The following NXPE1 variants were observed in gnomAD, a reference collection of about 807,000 sequenced individuals.
NXPE1 encodes NXPE family member 1.
In NXPE1, 31 loss-of-function variants were observed where a neutral mutation model predicts 33.3. The ratio of observed to expected loss-of-function variants is 0.93; its 90% confidence interval spans 0.70 to 1.26. NXPE1 has a LOEUF of 1.26. NXPE1 is among the 50% of genes most tolerant of loss of function. The pLI is 0.00. For missense variants in NXPE1, 661 were observed against 655.6 expected, an observed-to-expected ratio of 1.01 and a Z score of -0.09; for synonymous variants, 229 against 231.4, an observed-to-expected ratio of 0.99 and a Z score of 0.09.
chr11:114,544,381 A>G (rs922255957), intron 5 of NXPE1, among the ~76,000 whole-genome samples: 1 of 152,236 alleles, frequency 6.6e-6, no homozygotes, highest in African/African-American at 2.4e-5. Flanking sequence ...AAGAATGAAC[A>G]GATTAATCAA....
Position 114,557,146 on chromosome 11 carries a change from A to G in NXPE1, c.-211+2652T>C, listed in dbSNP as rs1948670302. Among the ~76,000 whole-genome samples the G allele has an allele frequency of 3.3e-5, 5 of 152,198 alleles. No individual in the cohort carries two copies. The East Asian group carries it at 9.7e-4, about 29-fold the overall frequency. ...TGACCTCAAGTAATCTGCGTGCCTC[A>G]GCCTCCCAAAGTTCTGGGATTACAG... On this transcript the variant is annotated intron_variant, in intron 1 of 8. Transcript: ENST00000534921.
At chr11:114,522,014 T>C (rs1383719799) in exon 9 of NXPE1, 2 of 1,613,628 alleles carry the variant, frequency 1.2e-6, no homozygotes, top group East Asian at 4.5e-5. Context: ...TCCAATCACA[T>C]GATCAGGTGG....
intron 5 of NXPE1, among the ~76,000 whole-genome samples, chr11:114,536,625 A>G (rs536784217): frequency 6.6e-6 from 1 of 152,338 alleles, no homozygotes; most frequent in South Asian, 2.1e-4. Context: ...ACAGAAATAC[A>G]AACTACCATC....
At chr11:114,544,145 G>A (rs1948196048) in intron 5 of NXPE1, among the ~76,000 whole-genome samples, 1 of 152,118 alleles carries the variant, frequency 6.6e-6, no homozygotes, top group Non-Finnish European at 1.5e-5. Context: ...ATATTGTTAG[G>A]ATGTCAGTTC....
chr11:114,537,150 C>G (rs1947862132), intron 5 of NXPE1, among the ~76,000 whole-genome samples: 1 of 151,968 alleles, frequency 6.6e-6, no homozygotes, highest in South Asian at 2.1e-4. Flanking sequence ...AAATGTAATC[C>G]AGCATATAAA....
At chr11:114,550,043 C>G (rs965350011) in intron 5 of NXPE1, among the ~76,000 whole-genome samples, 2 of 151,936 alleles carry the variant, frequency 1.3e-5, no homozygotes, top group Non-Finnish European at 2.9e-5. Flanking sequence ...GGAAAACTCA[C>G]AAAACACTAC....
chr11:114,529,098 G>A (rs1947475840), intron 6 of NXPE1: 1 of 327,778 alleles, frequency 3.1e-6, no homozygotes, highest in Non-Finnish European at 5.5e-6. Context: ...GAAAGCTTAT[G>A]GAAAAAAGAC....
intron 1 of NXPE1, among the ~76,000 whole-genome samples, chr11:114,557,634 CATATATATATATATATATAT>C (rs4019608): frequency 0.01 from 1,311 of 128,426 alleles, 19 homozygotes; most frequent in African/African-American, 0.027. Context: ...ATATATAATA[CATATATATATATATATATAT>C]ATATATATAT....
chr11:114,527,798 T>G (rs754359712), intron 7 of NXPE1, 42 bp downstream of exon 7: 91 of 1,433,916 alleles, frequency 6.3e-5, no homozygotes, highest in Admixed American at 3.5e-4. Flanking sequence ...CTGATAAAAG[T>G]TTCCTCTGAG....
At chr11:114,537,747 G>A (rs1469482631) in intron 5 of NXPE1, among the ~76,000 whole-genome samples, 3 of 151,860 alleles carry the variant, frequency 2.0e-5, no homozygotes, top group Non-Finnish European at 2.9e-5. Flanking sequence ...CCTCTTCAAG[G>A]AGAACTACAA....
chr11:114,556,991 C>G (rs928413904), intron 1 of NXPE1, among the ~76,000 whole-genome samples: 5 of 151,500 alleles, frequency 3.3e-5, no homozygotes, highest in African/African-American at 1.2e-4. Flanking sequence ...CTCCTGGGTT[C>G]AAGCAATTAT....
chr11:114,554,931 G>A (rs574567035), intron 1 of NXPE1, among the ~76,000 whole-genome samples: 30 of 152,154 alleles, frequency 2.0e-4, no homozygotes, highest in Admixed American at 5.9e-4. Flanking sequence ...AGCAGAGCTT[G>A]ATGTTTACCT....
chr11:114,558,276 C>A (rs1948705389), intron 1 of NXPE1, among the ~76,000 whole-genome samples: 1 of 152,006 alleles, frequency 6.6e-6, no homozygotes, highest in Non-Finnish European at 1.5e-5. Context: ...ATTTTCCAAA[C>A]AAATATCTGT....
chr11:114,527,845 C>T (rs773215540), exon 7 of NXPE1: 1 of 1,606,198 alleles, frequency 6.2e-7, no homozygotes. Context: ...CTTACTGTTA[C>T]AATTAGTGAC....
intron 1 of NXPE1, among the ~76,000 whole-genome samples, chr11:114,558,493 A>G (rs1481182863): frequency 6.6e-6 from 1 of 152,178 alleles, no homozygotes; most frequent in East Asian, 1.9e-4. Flanking sequence ...AGATTGAGGA[A>G]GTTCTCTTTT....
chr11:114,555,613 T>C (rs1384672934), intron 1 of NXPE1, among the ~76,000 whole-genome samples: 1 of 152,180 alleles, frequency 6.6e-6, no homozygotes, highest in African/African-American at 2.4e-5. Flanking sequence ...AGTAGAATAT[T>C]ACCACCACCC....
intron 1 of NXPE1, among the ~76,000 whole-genome samples, chr11:114,553,191 T>C (rs560058067): frequency 1.3e-5 from 2 of 152,342 alleles, no homozygotes; most frequent in Admixed American, 6.5e-5. Context: ...TGTGCTCTTA[T>C]AGTCTCGTAT....
chr11:114,541,026 C>T (rs1440448467), intron 5 of NXPE1, among the ~76,000 whole-genome samples: 1 of 151,860 alleles, frequency 6.6e-6, no homozygotes, highest in Non-Finnish European at 1.5e-5. Flanking sequence ...CCCTGAGGCA[C>T]ACCTGTGGGG....
intron 1 of NXPE1, among the ~76,000 whole-genome samples, chr11:114,556,664 T>C: frequency 6.6e-6 from 1 of 152,018 alleles, no homozygotes; most frequent in Non-Finnish European, 1.5e-5. Context: ...GTTTTTGGCC[T>C]TTTTCTAGTG....
Sources: allele counts gnomAD v4.1 joint callset (sites outside exome capture counted in the v4.1 genomes callset), GRCh38; gene constraint gnomAD v4.1.1; transcripts MANE v1.5; gene names NCBI Gene and HGNC (gene_info 2026-07-23, HGNC 2026-07-21).